Variants in FER observed in about 807,000 individuals in gnomAD.
FER encodes the protein tyrosine-protein kinase Fer.
A neutral mutation model predicts 111.0 loss-of-function variants in FER; 63 were observed. The observed-to-expected ratio is 0.57, with a 90% CI of 0.46 to 0.70. The LOEUF (loss-of-function observed/expected upper bound fraction) is 0.70. FER is among the 30% of genes least tolerant of loss of function. The pLI is 0.00. For synonymous variants in FER, 327 were observed against 313.9 expected (o/e 1.04, Z -0.44); for missense variants, 914 against 954.0 (o/e 0.96, Z 0.55).
At chr5:108,810,563 A>G (rs1478950132) in intron 3 of FER, among the ~76,000 whole-genome samples, 1 of 152,098 alleles carries the variant, frequency 6.6e-6, no homozygotes, top group African/African-American at 2.4e-5. Context: ...TTGCCCGGGG[A>G]GGGAGAGTTG....
At chr5:108,849,317 C>A (rs577880769) in intron 5 of FER, among the ~76,000 whole-genome samples, 1 of 152,170 alleles carries the variant, frequency 6.6e-6, no homozygotes, top group South Asian at 2.1e-4. Context: ...CTCTTACAGA[C>A]TCCTAATGCT....
chr5:108,946,149 C>A lies in FER; in HGVS notation c.1256C>A (p.Ser419Tyr). The A allele has an allele frequency of 6.2e-7, 1 of 1,611,900 alleles. No individual in the cohort carries two copies. The highest frequency in any genetic ancestry group is 1.7e-5 in the Admixed American group (1 of 59,936). ...CTCCAGGAAAGAAAGGAGAGGCTAT[C>A]CAAATTTGAATCTATTCGTCATTCA... ...VTSMERKERLSKFESIRHSIA... is the reference protein window; with the variant it reads ...VTSMERKERLYKFESIRHSIA... The change falls in exon 11 of 20, where the codon TCC becomes TAC. Residue 419 changes from serine (S) to tyrosine (Y), a missense_variant. Transcript: ENST00000281092.
chr5:108,798,946 G>T (rs1363650184), intron 3 of FER, among the ~76,000 whole-genome samples: 2 of 152,024 alleles, frequency 1.3e-5, no homozygotes, highest in African/African-American at 4.8e-5. Flanking sequence ...TACAAATTTT[G>T]GTTTCTTTTA....
At chr5:109,011,065 A>G (rs1033276900) in intron 13 of FER, among the ~76,000 whole-genome samples, 1 of 152,228 alleles carries the variant, frequency 6.6e-6, no homozygotes, top group Admixed American at 6.5e-5. Context: ...AAATATGCAT[A>G]TCTAATGTCC....
chr5:108,821,818 A>G (rs560784242), intron 3 of FER, among the ~76,000 whole-genome samples: 2 of 152,232 alleles, frequency 1.3e-5, no homozygotes, highest in African/African-American at 4.8e-5. Flanking sequence ...TAATTAACTT[A>G]TCTGTCACCT....
chr5:108,821,668 G>C (rs1758858460), intron 3 of FER, among the ~76,000 whole-genome samples: 1 of 151,294 alleles, frequency 6.6e-6, no homozygotes. Flanking sequence ...TCTCCTTAGA[G>C]GTTTCCAAGT....
intron 3 of FER, among the ~76,000 whole-genome samples, chr5:108,800,121 C>G (rs778045242): frequency 2.6e-5 from 4 of 152,114 alleles, no homozygotes; most frequent in Non-Finnish European, 5.9e-5. Flanking sequence ...ACGGAGTCAT[C>G]TGACCTCATA....
chr5:109,087,572 C>T lies in FER; in HGVS notation c.1925-12824C>T, dbSNP rs548193382. 3.3e-5 allele frequency among the ~76,000 whole-genome samples: 5 copies of T among 150,762 alleles called. No individual in the cohort carries two copies. In the South Asian group the frequency reaches 1.0e-3, roughly 32 times the overall value. ...AGTTTAGGCTATCATTTTATATTTA[C>T]CTCTGCTTGTGTGTGTTTTTTTAAT... is the stretch of plus-strand genomic sequence containing the variant. On this transcript the variant is annotated intron_variant, in intron 16 of 19. Coordinates refer to ENST00000281092, the MANE Select transcript of FER (RefSeq NM_005246.4).
intron 8 of FER, among the ~76,000 whole-genome samples, chr5:108,878,335 C>T (rs189912353): frequency 1.3e-5 from 2 of 152,090 alleles, no homozygotes; most frequent in Admixed American, 6.5e-5. Context: ...TTCTTTTCGT[C>T]GACCACCATC....
chr5:109,068,376 G>A (rs561693482), intron 16 of FER, among the ~76,000 whole-genome samples: 152 of 152,164 alleles, frequency 1.0e-3, no homozygotes, highest in African/African-American at 3.4e-3. Flanking sequence ...TAGAGATGGG[G>A]TTTCACCATA....
chr5:109,044,694 A>C lies in FER; in HGVS notation c.1728A>C (p.Glu576Asp), dbSNP rs1771697309. ...GELLGKGNFG[E>D]VYKGTLKDKT... ...TCTATTTTCAGGGAAATTTTGGTGA[A>C]GTATATAAGGGCACATTAAAGGATA... Residue 576 changes from glutamate (E) to aspartate (D), a missense_variant, in exon 15 of 20, where the codon GAA becomes GAC. Glu to Asp is a conservative substitution (Grantham distance 45). Around this residue, in one of 3 missense-constraint regions of FER, gnomAD observed 774 missense variants for 782.6 expected, o/e 0.99. Coordinates refer to ENST00000281092, the MANE Select transcript of FER (RefSeq NM_005246.4). 3 of 1,537,228 alleles carry C rather than the reference A, an allele frequency of 2.0e-6. No individual in the cohort carries two copies. Among genetic ancestry groups the C allele is most frequent in the Non-Finnish European group, 2.6e-6 (3 of 1,139,556 alleles).
intron 1 of FER, among the ~76,000 whole-genome samples, chr5:108,756,140 G>A (rs1370379459): frequency 7.3e-6 from 1 of 137,102 alleles, no homozygotes; most frequent in African/African-American, 2.9e-5. Context: ...GGTGACAAGA[G>A]CGAGAAACTC....
intron 5 of FER, among the ~76,000 whole-genome samples, chr5:108,846,854 A>G (rs975484098): frequency 2.0e-5 from 3 of 151,972 alleles, no homozygotes; most frequent in African/African-American, 7.3e-5. Context: ...ACCTTTTTAT[A>G]TTTATAGAAT....
intron 16 of FER, among the ~76,000 whole-genome samples, chr5:109,061,350 A>G (rs1201293303): frequency 1.3e-5 from 2 of 152,174 alleles, no homozygotes; most frequent in Non-Finnish European, 2.9e-5. Flanking sequence ...AATATATAGT[A>G]TCTTACATTT....
At chr5:108,855,226 G>T (rs182355702) in intron 5 of FER, among the ~76,000 whole-genome samples, 1 of 152,208 alleles carries the variant, frequency 6.6e-6, no homozygotes, top group Admixed American at 6.5e-5. Flanking sequence ...GTCATTTAAA[G>T]CCATGAGATT....
chr5:108,892,129 T>C lies in FER; in HGVS notation c.1047-5530T>C, dbSNP rs530131274. Among the ~76,000 whole-genome samples, 639 of 152,290 alleles carry C rather than the reference T, an allele frequency of 4.2e-3. 6 individuals are homozygous for C. Among genetic ancestry groups the C allele is most frequent in the African/African-American group, 0.014 (602 of 41,554 alleles). Reference sequence around the variant, plus strand: ...TGAATAGTGCCACAATAAACATACGTGTGCATGTGTCTTTATAGCAGCATG... The same window carrying C: ...TGAATAGTGCCACAATAAACATACGCGTGCATGTGTCTTTATAGCAGCATG... On this transcript the variant is annotated intron_variant, in intron 9 of 19. Coordinates refer to ENST00000281092, the MANE Select transcript of FER (RefSeq NM_005246.4).
intron 16 of FER, among the ~76,000 whole-genome samples, chr5:109,080,614 A>G (rs905564376): frequency 1.3e-5 from 2 of 152,100 alleles, no homozygotes; most frequent in Non-Finnish European, 2.9e-5. Flanking sequence ...CATTTATCTG[A>G]GTTCAAGATG....
intron 3 of FER, among the ~76,000 whole-genome samples, chr5:108,807,774 A>G (rs1029190276): frequency 6.6e-6 from 1 of 152,030 alleles, no homozygotes; most frequent in Non-Finnish European, 1.5e-5. Flanking sequence ...TTTTCTCTGA[A>G]CACTGCTCTT....
intron 16 of FER, 57 bp from the exon 17 acceptor site, chr5:109,100,339 G>A (rs1003627647): frequency 3.1e-6 from 5 of 1,591,138 alleles, no homozygotes; most frequent in Non-Finnish European, 3.4e-6. Flanking sequence ...CCAAATAGAT[G>A]ATAAATGTGA....
Sources: allele counts gnomAD v4.1 joint callset (sites outside exome capture counted in the v4.1 genomes callset), GRCh38; gene constraint gnomAD v4.1.1; regional missense constraint gnomAD v4.1.1; transcripts MANE v1.5; gene names NCBI Gene and HGNC (gene_info 2026-07-23, HGNC 2026-07-21).